The following ADGB variants were observed in gnomAD, a reference collection of about 807,000 sequenced individuals.
ADGB encodes calpain-7-like protein.
Under a neutral mutation model 210.5 loss-of-function variants are expected in ADGB, and 172 were observed. The observed-to-expected ratio is 0.82, with a 90% CI of 0.72 to 0.93. ADGB has a LOEUF of 0.93. Ranked by LOEUF, ADGB falls within the 40% of genes least tolerant of loss-of-function variation. ADGB has a pLI of 0.00. For synonymous variants in ADGB, 658 were observed against 662.7 expected (o/e 0.99, Z 0.11); for missense variants, 2,025 against 1,964.8 (o/e 1.03, Z -0.58).
At chr6:146,804,472 G>A (rs1034995838) in intron 35 of ADGB, among the ~76,000 whole-genome samples, 19 of 151,744 alleles carry the variant, frequency 1.3e-4, no homozygotes, top group Non-Finnish European at 1.8e-4. Flanking sequence ...CCATCTCAGC[G>A]CAAATATGTC....
intron 21 of ADGB, 81 bp downstream of exon 21, chr6:146,733,336 G>C (rs2114587347): frequency 7.6e-7 from 1 of 1,319,702 alleles, no homozygotes; most frequent in East Asian, 2.6e-5. Flanking sequence ...TGTTTGTGGA[G>C]TAAGTGGAAT....
chr6:146,741,804 C>T (rs1777167197), intron 25 of ADGB, among the ~76,000 whole-genome samples: 1 of 152,264 alleles, frequency 6.6e-6, no homozygotes, highest in African/African-American at 2.4e-5. Flanking sequence ...TCACTCAAAC[C>T]ACATTGCTTC....
Position 146,734,001 on chromosome 6 carries a change from T to A in ADGB, c.2765T>A (p.Val922Asp). Residue 922 changes from valine to aspartate, a missense_variant, in exon 22 of 36, where the codon GTT (valine) becomes GAT (aspartate). Val to Asp is a radical substitution (Grantham distance 152). Transcript: ENST00000397944. Reference protein sequence around the residue: ...KIQAMWRGTYVRLLMKARIPD... With the variant: ...KIQAMWRGTYDRLLMKARIPD... ...CAAGCCATGTGGAGAGGAACTTACG[T>A]TAGATTGCTTATGAAAGCCAGAATA... 6.4e-7 allele frequency: 1 copy of A among 1,551,532 alleles called. No individual in the cohort carries two copies. Among genetic ancestry groups the A allele is most frequent in the Non-Finnish European group, 8.7e-7 (1 of 1,146,904 alleles).
chr6:146,666,380 C>A (rs1009240515), intron 6 of ADGB, among the ~76,000 whole-genome samples: 1 of 151,988 alleles, frequency 6.6e-6, no homozygotes, highest in African/African-American at 2.4e-5. Context: ...ATTTCTGATG[C>A]CCATCTTGAC....
rs1248599283 is a variant in ADGB, at chr6:146,752,630, A to C, written c.3466A>C (p.Thr1156Pro). ...IKLQVLENEE[T>P]MVSSTGKGQA... ...GCTGCAGGTCCTAGAAAATGAAGAA[A>C]CTATGGTGAGCTCCACTGGAAAAGG... Residue 1156 changes from threonine (T) to proline (P), a missense_variant, in exon 27 of 36, where the codon ACT (threonine) becomes CCT (proline). Physicochemically the swap from Thr to Pro is conservative, Grantham distance 38. Coordinates refer to ENST00000397944, the MANE Select transcript of ADGB (RefSeq NM_024694.4). 1.3e-6 allele frequency: 2 copies of C among 1,550,876 alleles called. No individual in the cohort carries two copies. Among genetic ancestry groups the C allele is most frequent in the Non-Finnish European group, 1.7e-6 (2 of 1,146,516 alleles).
intron 1 of ADGB, among the ~76,000 whole-genome samples, chr6:146,610,883 G>T (rs1322434872): frequency 6.6e-6 from 1 of 152,120 alleles, no homozygotes; most frequent in Non-Finnish European, 1.5e-5. Flanking sequence ...CTGGTTGCAG[G>T]GTGGCAGGAT....
chr6:146,813,775 T>C (rs1778338749), intron 35 of ADGB, among the ~76,000 whole-genome samples: 1 of 152,246 alleles, frequency 6.6e-6, no homozygotes, highest in Non-Finnish European at 1.5e-5. Context: ...TTTTTGTGTG[T>C]AATAACCAAG....
intron 2 of ADGB, among the ~76,000 whole-genome samples, chr6:146,643,727 T>C (rs774848451): frequency 1.3e-5 from 2 of 151,914 alleles, no homozygotes; most frequent in Non-Finnish European, 2.9e-5. Flanking sequence ...AGCAGCTTTA[T>C]TGGTAATAGC....
chr6:146,791,398 T>C (rs548735083), intron 33 of ADGB, among the ~76,000 whole-genome samples: 8 of 152,306 alleles, frequency 5.3e-5, no homozygotes, highest in South Asian at 4.1e-4. Context: ...GGTTGGAGTA[T>C]AGTGGCTCAA....
rs192044409 is a variant in ADGB, at chr6:146,802,795, T to C, written c.4818+784T>C. 2.4e-3 allele frequency: 3,885 copies of C among 1,606,350 alleles called. 12 individuals carry two copies. The highest frequency in any genetic ancestry group is 3.4e-3 in the Middle Eastern group (15 of 4,416). ...AATCCTCTTTAGTAGATGAAATCTC[T>C]CAATGTAACTGTAATAAATAAGCAT... On this transcript the variant is annotated intron_variant, in intron 35 of 35. Transcript: ENST00000397944.
chr6:146,673,481 G>A (rs555889267), intron 8 of ADGB, among the ~76,000 whole-genome samples: 1 of 152,266 alleles, frequency 6.6e-6, no homozygotes, highest in South Asian at 2.1e-4. Context: ...CAACAGCCAT[G>A]TAATTAAGAT....
chr6:146,662,808 G>C (rs985575598), intron 5 of ADGB, among the ~76,000 whole-genome samples: 1 of 151,278 alleles, frequency 6.6e-6, no homozygotes, highest in Non-Finnish European at 1.5e-5. Flanking sequence ...ACATTTATCG[G>C]CTGTGTCTCA....
At chr6:146,665,319 A>T (rs189110608) in intron 6 of ADGB, among the ~76,000 whole-genome samples, 1 of 152,120 alleles carries the variant, frequency 6.6e-6, no homozygotes, top group Non-Finnish European at 1.5e-5. Context: ...TCCTACTGCC[A>T]TCCTCTTCAT....
In ADGB at chr6:146,721,454, A is replaced by C; in HGVS notation, c.2044A>C (p.Ile682Leu). The change falls in exon 17 of 36, where the codon ATT becomes CTT. Residue 682 changes from isoleucine to leucine, a missense_variant. Transcript: ENST00000397944. ...YYLFVDSLKP[I>L]ELLVCFSALV... ...TCTATTTGTAGATAGTCTAAAACCT[A>C]TTGAACTACTGGTTTGCTTTTCTGC... 2 of 1,551,324 alleles carry C rather than the reference A, an allele frequency of 1.3e-6. No homozygotes were observed. The highest frequency in any genetic ancestry group is 1.7e-4 in the Middle Eastern group (1 of 5,992).
At chr6:146,687,407 A>G (rs889225885) in intron 10 of ADGB, among the ~76,000 whole-genome samples, 3 of 152,088 alleles carry the variant, frequency 2.0e-5, no homozygotes, top group African/African-American at 7.2e-5. Flanking sequence ...TGCCCCATCA[A>G]TGATAGACTG....
chr6:146,645,592 T>C (rs1052478824), intron 3 of ADGB, among the ~76,000 whole-genome samples: 4 of 152,096 alleles, frequency 2.6e-5, no homozygotes, highest in African/African-American at 9.6e-5. Flanking sequence ...AGTCAAATTG[T>C]TGTAATAAAG....
intron 5 of ADGB, among the ~76,000 whole-genome samples, chr6:146,660,393 G>A (rs1313287202): frequency 6.6e-6 from 1 of 152,064 alleles, no homozygotes; most frequent in African/African-American, 2.4e-5. Context: ...TGCAGTGAAA[G>A]TTCCCCGTAA....
intron 1 of ADGB, among the ~76,000 whole-genome samples, chr6:146,628,226 T>C (rs1296800770): frequency 6.6e-6 from 1 of 151,864 alleles, no homozygotes; most frequent in Non-Finnish European, 1.5e-5. Context: ...TTGTATATTA[T>C]ATTTTTAAAA....
intron 33 of ADGB, among the ~76,000 whole-genome samples, chr6:146,798,231 A>C (rs949339576): frequency 1.3e-5 from 2 of 152,190 alleles, no homozygotes; most frequent in African/African-American, 4.8e-5. Flanking sequence ...TTCACAAAGA[A>C]AGGTAATTAT....
Sources: allele counts gnomAD v4.1 joint callset (sites outside exome capture counted in the v4.1 genomes callset), GRCh38; gene constraint gnomAD v4.1.1; transcripts MANE v1.5; gene names NCBI Gene and HGNC (gene_info 2026-07-23, HGNC 2026-07-21).